The following ARB2A variants were observed in gnomAD, a reference collection of about 807,000 sequenced individuals.
ARB2A encodes cotranscriptional regulator ARB2A.
the ARB2A span, among the ~76,000 whole-genome samples, chr5:93,628,768 T>C: frequency 1.3e-5 from 2 of 152,236 alleles, no homozygotes; most frequent in Non-Finnish European, 2.9e-5. Context: ...CTTCACAGAA[T>C]TGAAGAAAGT....
the ARB2A span, among the ~76,000 whole-genome samples, chr5:93,904,400 A>G: frequency 3.3e-5 from 5 of 151,886 alleles, no homozygotes; most frequent in African/African-American, 1.2e-4. Context: ...TTATTACGGA[A>G]TATTTCAGAG....
chr5:93,660,727 T>G, the ARB2A span, among the ~76,000 whole-genome samples: 1 of 152,140 alleles, frequency 6.6e-6, no homozygotes, highest in East Asian at 1.9e-4. Context: ...ATGTACAGGA[T>G]TTAATAGCAA....
the ARB2A span, among the ~76,000 whole-genome samples, chr5:94,074,393 A>G: frequency 6.6e-6 from 1 of 152,130 alleles, no homozygotes; most frequent in South Asian, 2.1e-4. Flanking sequence ...TTTATTATTA[A>G]ATGTATGACA....
chr5:93,967,116 A>G, the ARB2A span, among the ~76,000 whole-genome samples: 4 of 152,152 alleles, frequency 2.6e-5, no homozygotes, highest in African/African-American at 7.2e-5. Context: ...TGCACTCTGC[A>G]TTTAGAAAAA....
chr5:93,868,163 T>TA, the ARB2A span, among the ~76,000 whole-genome samples: 1 of 151,606 alleles, frequency 6.6e-6, no homozygotes, highest in Non-Finnish European at 1.5e-5. Flanking sequence ...ATACAAAAAA[T>TA]AAAAAAAATT....
At chr5:93,756,586 T>C in the ARB2A span, among the ~76,000 whole-genome samples, 3 of 151,976 alleles carry the variant, frequency 2.0e-5, no homozygotes, top group Non-Finnish European at 4.4e-5. Flanking sequence ...CAGAACGGGG[T>C]AGACTCGCTG....
At chr5:94,046,079 C>T in the ARB2A span, among the ~76,000 whole-genome samples, 1 of 152,028 alleles carries the variant, frequency 6.6e-6, no homozygotes, top group Non-Finnish European at 1.5e-5. Context: ...AGGGAGAAAA[C>T]AGTGTAAGAT....
At chr5:93,695,257 A>G in the ARB2A span, among the ~76,000 whole-genome samples, 1 of 152,212 alleles carries the variant, frequency 6.6e-6, no homozygotes, top group Non-Finnish European at 1.5e-5. Context: ...CAGGCAACCT[A>G]CAGAATGGGA....
the ARB2A span, among the ~76,000 whole-genome samples, chr5:93,777,109 T>C: frequency 3.8e-5 from 5 of 132,726 alleles, no homozygotes; most frequent in Non-Finnish European, 7.6e-5. Context: ...AAAATAGTTG[T>C]AAAGAACATG....
At chr5:93,737,968 G>C in the ARB2A span, 1 of 434,262 alleles carries the variant, frequency 2.3e-6, no homozygotes, top group Non-Finnish European at 4.5e-6. Context: ...AAATGGATAA[G>C]CTGGACTTAA....
At chr5:93,798,205 A>C in the ARB2A span, among the ~76,000 whole-genome samples, 2 of 152,108 alleles carry the variant, frequency 1.3e-5, no homozygotes, top group Admixed American at 1.3e-4. Flanking sequence ...TGTGGGTGTC[A>C]TGATGAAATC....
chr5:93,694,769 C>T, the ARB2A span, among the ~76,000 whole-genome samples: 24 of 152,264 alleles, frequency 1.6e-4, no homozygotes, highest in South Asian at 2.1e-3. Context: ...GGAGGCATCA[C>T]GCTACCTGAT....
the ARB2A span, among the ~76,000 whole-genome samples, chr5:94,068,024 T>C: frequency 6.6e-6 from 1 of 152,310 alleles, no homozygotes; most frequent in East Asian, 1.9e-4. Context: ...CCCAGCACTT[T>C]GGGAGGCCGA....
At chr5:93,781,262 G>C in the ARB2A span, among the ~76,000 whole-genome samples, 1 of 152,250 alleles carries the variant, frequency 6.6e-6, no homozygotes, top group Admixed American at 6.5e-5. Context: ...AGAACATGTG[G>C]TATTTGACTT....
the ARB2A span, among the ~76,000 whole-genome samples, chr5:93,996,780 T>A: frequency 6.6e-6 from 1 of 152,088 alleles, no homozygotes; most frequent in Non-Finnish European, 1.5e-5. Context: ...GAAATAATTA[T>A]GACCTCTGAG....
the ARB2A span, chr5:93,881,729 T>G: frequency 1.5e-6 from 2 of 1,348,334 alleles, no homozygotes; most frequent in Admixed American, 5.6e-5. Flanking sequence ...TTAAATCTTA[T>G]AATCCATTTC....
the ARB2A span, among the ~76,000 whole-genome samples, chr5:94,018,668 T>C: frequency 6.6e-6 from 1 of 152,284 alleles, no homozygotes; most frequent in Admixed American, 6.5e-5. Flanking sequence ...GAAGAGGTCC[T>C]TCACATCCCT....
the ARB2A span, among the ~76,000 whole-genome samples, chr5:93,923,717 G>C: frequency 6.6e-6 from 1 of 152,216 alleles, no homozygotes; most frequent in Non-Finnish European, 1.5e-5. Flanking sequence ...GCTGAGGTGG[G>C]AGGATTGCTT....
chr5:93,821,854 C>T, the ARB2A span, among the ~76,000 whole-genome samples: 1,974 of 151,364 alleles, frequency 0.013, 48 homozygotes, highest in East Asian at 0.12. Flanking sequence ...CATTTGCCAC[C>T]ATCCGTATGC....
Sources: gnomAD v4.1 joint callset for allele counts (sites outside exome capture counted in the v4.1 genomes callset) on GRCh38, gnomAD v4.1.1 for gene constraint, MANE v1.5 for transcripts, NCBI Gene and HGNC (gene_info 2026-07-23, HGNC 2026-07-21) for gene names.